The following SIPA1L1 variants were observed in gnomAD, a reference collection of about 807,000 sequenced individuals.
SIPA1L1 encodes signal induced proliferation associated 1 like 1.
SIPA1L1 carries 26 observed loss-of-function variants against 162.7 expected under a neutral mutation model. The ratio of observed to expected loss-of-function variants is 0.16; its 90% CI spans 0.12 to 0.22. The LOEUF is 0.22. Among genes scored for constraint, SIPA1L1 ranks in the 10% least tolerant of loss-of-function variants. The probability of loss-of-function intolerance (pLI) is 1.00; values close to 1 mark genes in which losing one functional copy is unlikely to be tolerated. For synonymous variants in SIPA1L1, 829 were observed against 837.4 expected (o/e 0.99, Z 0.17); for missense variants, 1,874 against 2,241.0 (o/e 0.84, Z 3.31).
intron 4 of SIPA1L1, among the ~76,000 whole-genome samples, chr14:71,544,343 GTA>G (rs2054971915): frequency 6.6e-6 from 1 of 151,432 alleles, no homozygotes; most frequent in Non-Finnish European, 1.5e-5. Flanking sequence ...TCATGTGTGT[GTA>G]TATACATGTA....
intron 2 of SIPA1L1, among the ~76,000 whole-genome samples, chr14:71,387,726 C>T (rs1487796025): frequency 6.6e-6 from 1 of 152,228 alleles, no homozygotes; most frequent in Non-Finnish European, 1.5e-5. Context: ...GATTTCTGTT[C>T]TACACGTGGA....
chr14:71,590,021 T>TAAAA (rs200463823), intron 5 of SIPA1L1, among the ~76,000 whole-genome samples: 1 of 85,104 alleles, frequency 1.2e-5, no homozygotes, highest in African/African-American at 4.5e-5. Context: ...AGTGGGAGAG[T>TAAAA]AAAAAAAAAA....
chr14:71,526,619 T>C (rs1365899122), intron 3 of SIPA1L1, among the ~76,000 whole-genome samples: 1 of 152,188 alleles, frequency 6.6e-6, no homozygotes, highest in African/African-American at 2.4e-5. Flanking sequence ...AAGCCCGTAT[T>C]GTCTATGGCT....
chr14:71,386,080 G>C (rs1217493703), intron 2 of SIPA1L1, among the ~76,000 whole-genome samples: 1 of 152,228 alleles, frequency 6.6e-6, no homozygotes, highest in African/African-American at 2.4e-5. Context: ...TAATGGCCAC[G>C]TGTGACTACT....
Position 71,377,600 on chromosome 14 carries a change from C to T in SIPA1L1, c.-465+56419C>T, listed in dbSNP as rs1421846114. Among the ~76,000 whole-genome samples, 1 of 152,224 alleles carries T rather than the reference C, an allele frequency of 6.6e-6. No homozygotes were observed. The highest frequency in any genetic ancestry group is 1.5e-5 in the Non-Finnish European group (1 of 68,034). On this transcript the variant is annotated intron_variant, in intron 2 of 23. Coordinates refer to ENST00000381232, the MANE Select transcript of SIPA1L1 (RefSeq NM_001386936.1). The surrounding 1 kb of genome is among the most constrained non-coding windows in gnomAD (Gnocchi z 4.8). ...GGCGGCCGGGCAGAGGCTGCAATCT[C>T]AGCACTTTGGGAGGCCAAGGCAGGC... is the stretch of plus-strand genomic sequence containing the variant.
rs188227837 is a variant in SIPA1L1 at position 71,521,012 on chromosome 14, C to T, written c.-362+8167C>T. 3.3e-5 allele frequency among the ~76,000 whole-genome samples: 5 copies of T among 152,276 alleles called. No individual in the cohort carries two copies. The East Asian group carries it at 5.8e-4, about 18-fold the overall frequency. On this transcript the variant is annotated intron_variant, in intron 3 of 23. Transcript: ENST00000381232. ...CATGCAGTCTGCCTGCCTCAGCCTC[C>T]CAAAGTGCTGGGATTACAGGTGTGA...
intron 2 of SIPA1L1, among the ~76,000 whole-genome samples, chr14:71,395,162 AG>A (rs2041083000): frequency 6.6e-6 from 1 of 152,246 alleles, no homozygotes; most frequent in Non-Finnish European, 1.5e-5. Flanking sequence ...CTTTCAAGAA[AG>A]AAGCTTTGAT....
At chr14:71,736,939 G>A (rs897209187) in intron 22 of SIPA1L1, among the ~76,000 whole-genome samples, 3 of 152,202 alleles carry the variant, frequency 2.0e-5, no homozygotes, top group Non-Finnish European at 4.4e-5. Context: ...ACTGCTGCCC[G>A]GCCCCAGCCT....
At chr14:71,327,466 A>G (rs985939427) in intron 2 of SIPA1L1, among the ~76,000 whole-genome samples, 1 of 152,214 alleles carries the variant, frequency 6.6e-6, no homozygotes, top group African/African-American at 2.4e-5. Flanking sequence ...CTTAGCTGCT[A>G]ACTGGACTGT....
intron 2 of SIPA1L1, among the ~76,000 whole-genome samples, chr14:71,422,874 C>G (rs2043290447): frequency 6.6e-6 from 1 of 152,134 alleles, no homozygotes; most frequent in Non-Finnish European, 1.5e-5. Context: ...TCTGGTAGTT[C>G]TATTAAAAAA....
At chr14:71,390,900 A>G (rs563265203) in intron 2 of SIPA1L1, among the ~76,000 whole-genome samples, 1 of 152,262 alleles carries the variant, frequency 6.6e-6, no homozygotes, top group East Asian at 1.9e-4. Flanking sequence ...CTGGCCTTCT[A>G]TAGAATTTTG....
chr14:71,590,096 T>G (rs1596305666), intron 5 of SIPA1L1, among the ~76,000 whole-genome samples: 2 of 142,692 alleles, frequency 1.4e-5, no homozygotes. Context: ...CACACATATA[T>G]ACACACATAT....
intron 13 of SIPA1L1, among the ~76,000 whole-genome samples, chr14:71,686,986 C>G (rs966363417): frequency 6.6e-6 from 1 of 152,164 alleles, no homozygotes; most frequent in African/African-American, 2.4e-5. Context: ...AAGCAGAGAG[C>G]AGGAAGATTT....
chr14:71,336,112 A>G (rs951768129), intron 2 of SIPA1L1, among the ~76,000 whole-genome samples: 2 of 152,196 alleles, frequency 1.3e-5, no homozygotes, highest in East Asian at 1.9e-4. Context: ...ATTTGAACTT[A>G]AGTGCAATAG....
At chr14:71,709,183 C>T (rs761374084) in intron 16 of SIPA1L1, 39 bp from the exon 17 acceptor site, 1 of 1,535,752 alleles carries the variant, frequency 6.5e-7, no homozygotes, top group East Asian at 2.3e-5. Context: ...GTTCAGGAAG[C>T]AAAACTTTGC....
At chr14:71,410,508 C>T (rs1473970331) in intron 2 of SIPA1L1, among the ~76,000 whole-genome samples, 1 of 152,076 alleles carries the variant, frequency 6.6e-6, no homozygotes, top group Non-Finnish European at 1.5e-5. Flanking sequence ...ATGCTTGGGA[C>T]CGGAAGTGTT....
intron 19 of SIPA1L1, among the ~76,000 whole-genome samples, chr14:71,728,788 C>T (rs1335595951): frequency 6.6e-6 from 1 of 152,194 alleles, no homozygotes; most frequent in Non-Finnish European, 1.5e-5. Flanking sequence ...AGACAGTGGC[C>T]TAAGAGCAAA....
intron 17 of SIPA1L1, among the ~76,000 whole-genome samples, chr14:71,718,818 T>A (rs1228123833): frequency 6.6e-6 from 1 of 152,240 alleles, no homozygotes; most frequent in Non-Finnish European, 1.5e-5. Context: ...TTAGCTTTTC[T>A]CCATGGCTAT....
intron 13 of SIPA1L1, among the ~76,000 whole-genome samples, chr14:71,697,186 G>A (rs2081703748): frequency 6.6e-6 from 1 of 152,148 alleles, no homozygotes; most frequent in Admixed American, 6.6e-5. Context: ...GGTGGAGAGA[G>A]CCTGGAAGTT....
Sources: allele counts gnomAD v4.1 joint callset (sites outside exome capture counted in the v4.1 genomes callset), GRCh38; gene constraint gnomAD v4.1.1; non-coding constraint Gnocchi (gnomAD v3.1); transcripts MANE v1.5; gene names NCBI Gene and HGNC (gene_info 2026-07-23, HGNC 2026-07-21).